Variants in KLHL11 observed in about 807,000 individuals in gnomAD.
KLHL11 encodes the protein kelch-like protein 11.
A neutral mutation model predicts 56.1 loss-of-function variants in KLHL11; 26 were observed. The ratio of observed to expected loss-of-function variants is 0.46; its 90% CI spans 0.34 to 0.64. The LOEUF (loss-of-function observed/expected upper bound fraction) is 0.64, where lower values mean the gene tolerates loss of function less well. Ranked by LOEUF, KLHL11 falls within the 30% of genes least tolerant of loss-of-function variation. The pLI is 0.01. For missense variants in KLHL11, 627 were observed against 919.4 expected (o/e 0.68, Z 4.11); for synonymous variants, 338 against 345.8 (o/e 0.98, Z 0.25).
At chr17:41,864,625 G>A (rs1446457179) in intron 1 of KLHL11, among the ~76,000 whole-genome samples, 6 of 152,250 alleles carry the variant, frequency 3.9e-5, no homozygotes, top group Admixed American at 2.0e-4. Context: ...TTGGGCGCGG[G>A]GCGCCCTCGC....
intron 1 of KLHL11, among the ~76,000 whole-genome samples, chr17:41,862,605 G>T (rs1312992974): frequency 6.6e-6 from 1 of 151,860 alleles, no homozygotes; most frequent in Non-Finnish European, 1.5e-5. Context: ...TAGTGGAGAT[G>T]GGGTTTCATC....
rs1298941036 is a variant in KLHL11, at chr17:41,853,619, T to C, written c.*121A>G. ...AGTTTTTAACTCTATTTCCTTTATA[T>C]GGGGTAATAATCAGTTCATGTAGAA... On this transcript the variant is annotated 3_prime_UTR_variant, in exon 2 of 2. Transcript: ENST00000319121. 2 of 1,146,410 alleles carry C rather than the reference T, an allele frequency of 1.7e-6. No homozygotes were observed. The highest frequency in any genetic ancestry group is 3.1e-5 in the African/African-American group (2 of 64,854). The allele number at this position is 1,146,410 out of a possible 1,614,324, so 71.0% of individuals were successfully genotyped here. A position where few individuals can be genotyped will look rare whatever the true frequency, so the allele number is the denominator to read the frequency against.
Position 41,854,819 on chromosome 17 carries a change from G to A in KLHL11, c.1048C>T (p.Leu350=). ...TCQHPTSHVS[L]LPRYGQNMDV... ...ATGTTTTGCCCATAACGAGGCAATA[G>A]TGACACATGAGAAGTGGGGTGCTGG... Residue 350 remains leucine, a synonymous_variant, in exon 2 of 2, where the codon CTA becomes TTA. Coordinates refer to ENST00000319121, the MANE Select transcript of KLHL11 (RefSeq NM_018143.3). The surrounding 1 kb of genome is among the most constrained non-coding windows in gnomAD (Gnocchi z 4.9). 1 of 1,614,194 alleles carries A rather than the reference G, an allele frequency of 6.2e-7. No homozygotes were observed. Among genetic ancestry groups the A allele is most frequent in the Non-Finnish European group, 8.5e-7 (1 of 1,180,020 alleles).
chr17:41,849,475 A>C lies in KLHL11; in HGVS notation c.*4265T>G, dbSNP rs2048320011. On this transcript the variant is annotated 3_prime_UTR_variant, in exon 2 of 2. Coordinates refer to ENST00000319121, the MANE Select transcript of KLHL11 (RefSeq NM_018143.3). ...GTAAGGAGGAAAAGTGAGCCCTAGA[A>C]ACTGCCTTACCAGCAGCCTGACGGG... 1 of 152,182 alleles carries C rather than the reference A, an allele frequency of 6.6e-6. No homozygotes were observed. The highest frequency in any genetic ancestry group is 2.4e-5 in the African/African-American group (1 of 41,440). The allele number at this position is 152,182 out of a possible 1,614,324, so 9.4% of individuals were successfully genotyped here. A position where few individuals can be genotyped will look rare whatever the true frequency, so the allele number is the denominator to read the frequency against.
At chr17:41,857,071 C>T (rs879979942) in intron 1 of KLHL11, among the ~76,000 whole-genome samples, 3 of 152,048 alleles carry the variant, frequency 2.0e-5, no homozygotes, top group Admixed American at 1.3e-4. Flanking sequence ...AGATGCATGC[C>T]TGTAGTCTCA....
At chr17:41,863,675 T>C (rs2048419083) in intron 1 of KLHL11, among the ~76,000 whole-genome samples, 7 of 152,178 alleles carry the variant, frequency 4.6e-5, no homozygotes, top group Admixed American at 4.6e-4. Context: ...CCTCTCATCC[T>C]GCATCCCTTT....
rs1274429045 is a variant in KLHL11, at chr17:41,853,447, T to A, written c.*293A>T. 1.8e-5 allele frequency: 5 copies of A among 281,408 alleles called. No homozygotes were observed. Among genetic ancestry groups the A allele is most frequent in the Non-Finnish European group, 6.6e-6 (1 of 151,476 alleles). The allele number at this position is 281,408 out of a possible 1,614,324, so 17.4% of individuals were successfully genotyped here. A position where few individuals can be genotyped will look rare whatever the true frequency, so the allele number is the denominator to read the frequency against. ...CTCAAGACAAAGGAGTCATAACTCGTTGGCAGGAAAACAGCTAAGCAACTA... is the reference window on the plus strand; with the variant it reads ...CTCAAGACAAAGGAGTCATAACTCGATGGCAGGAAAACAGCTAAGCAACTA... On this transcript the variant is annotated 3_prime_UTR_variant, in exon 2 of 2. Transcript: ENST00000319121.
rs2048438157 is a variant in KLHL11, at chr17:41,865,401, C to G, written c.-31G>C. On this transcript the variant is annotated 5_prime_UTR_variant, in exon 1 of 2. Transcript: ENST00000319121. Reference sequence around the variant, plus strand: ...CGCCGCTGCGCCCGGCCTCCACAGCCTCGGAACGATGCGGCTGTTGGTACG... The same window carrying G: ...CGCCGCTGCGCCCGGCCTCCACAGCGTCGGAACGATGCGGCTGTTGGTACG... The G allele has an allele frequency of 2.0e-5, 26 of 1,292,716 alleles. No homozygotes were observed. The highest frequency in any genetic ancestry group is 2.5e-5 in the Non-Finnish European group (25 of 986,790). 80.1% of individuals were successfully genotyped at this position (1,292,716 alleles called of 1,614,324 possible).
intron 1 of KLHL11, among the ~76,000 whole-genome samples, chr17:41,857,587 C>T (rs1185414787): frequency 6.6e-6 from 1 of 151,006 alleles, no homozygotes; most frequent in Non-Finnish European, 1.5e-5. Flanking sequence ...TATATAATTA[C>T]CTATCATATA....
In KLHL11 at chr17:41,865,379, C is replaced by T; in HGVS notation, c.-9G>A. Reference sequence around the variant, plus strand: ...ACTGCCGCAGCCGCCATCTTGACGCCGCTGCGCCCGGCCTCCACAGCCTCG... The same window carrying T: ...ACTGCCGCAGCCGCCATCTTGACGCTGCTGCGCCCGGCCTCCACAGCCTCG... On this transcript the variant is annotated 5_prime_UTR_variant, in exon 1 of 2. Transcript: ENST00000319121. The T allele has an allele frequency of 2.2e-6, 3 of 1,388,074 alleles. No individual in the cohort carries two copies. The highest frequency in any genetic ancestry group is 2.8e-6 in the Non-Finnish European group (3 of 1,068,080). The allele number at this position is 1,388,074 out of a possible 1,614,324, so 86.0% of individuals were successfully genotyped here.
intron 1 of KLHL11, among the ~76,000 whole-genome samples, chr17:41,858,436 TTG>T (rs2048381744): frequency 1.6e-5 from 1 of 61,954 alleles, no homozygotes; most frequent in African/African-American, 5.4e-5. Flanking sequence ...GTTGTTGTTG[TTG>T]TTTTTCTCCC....
At chr17:41,857,890 C>G (rs1334522835) in intron 1 of KLHL11, among the ~76,000 whole-genome samples, 1 of 152,172 alleles carries the variant, frequency 6.6e-6, no homozygotes, top group Admixed American at 6.5e-5. Flanking sequence ...GATCTCTGCT[C>G]ACTGCAACCT....
In KLHL11 at chr17:41,854,324, C is replaced by T; in HGVS notation, c.1543G>A (p.Asp515Asn). 2 of 1,614,202 alleles carry T rather than the reference C, an allele frequency of 1.2e-6. No individual in the cohort carries two copies. The highest frequency in any genetic ancestry group is 2.2e-5 in the South Asian group (2 of 91,078). ...ACAGCCTTTAATCCATCTTCAGTGTCCCGGTCTACAGGAGTGCGGGCGGCA... is the reference window on the plus strand; with the variant it reads ...ACAGCCTTTAATCCATCTTCAGTGTTCCGGTCTACAGGAGTGCGGGCGGCA... ...YIAARTPVDR[D>N]TEDGLKAVIT... The change falls in exon 2 of 2, where the codon GAC becomes AAC. Residue 515 changes from aspartate to asparagine, a missense_variant. Asp to Asn is a conservative substitution (Grantham distance 23). This residue lies in a region of KLHL11 where 250 missense variants were observed against 360.6 expected (regional missense o/e 0.69). Transcript: ENST00000319121. This position sits in a 1 kb window ranked among gnomAD's most constrained non-coding sequence, Gnocchi z 4.9.
At position 41,849,390 on chromosome 17, in the gene KLHL11, A is replaced by C. The variant is rs1343412149; in HGVS notation, c.*4350T>G. On this transcript the variant is annotated 3_prime_UTR_variant, in exon 2 of 2. Coordinates refer to ENST00000319121, the MANE Select transcript of KLHL11 (RefSeq NM_018143.3). Reference sequence around the variant, plus strand: ...CTACATACAGTATAGTGTTGACTTTAGAATTACAAAGCAGAAAATGAAATA... The same window carrying C: ...CTACATACAGTATAGTGTTGACTTTCGAATTACAAAGCAGAAAATGAAATA... 2 of 152,220 alleles carry C rather than the reference A, an allele frequency of 1.3e-5. No individual in the cohort carries two copies. Among genetic ancestry groups the C allele is most frequent in the African/African-American group, 4.8e-5 (2 of 41,454 alleles). The allele number at this position is 152,220 out of a possible 1,614,324, so 9.4% of individuals were successfully genotyped here.
chr17:41,852,778 C>CAAAA lies in KLHL11; in HGVS notation c.*958_*961dup, dbSNP rs1189323899. ...TGCACTCCAGCCTGGGCAACATGAGCAAAAAAAAAAAAAAAAAGAGAAAAG... is the reference window on the plus strand; with the variant it reads ...TGCACTCCAGCCTGGGCAACATGAGCAAAAAAAAAAAAAAAAAAAAAGAGAAAAG... On this transcript the variant is annotated 3_prime_UTR_variant, in exon 2 of 2. Transcript: ENST00000319121. Among the ~76,000 whole-genome samples, 1 of 49,688 alleles carries CAAAA rather than the reference C, an allele frequency of 2.0e-5. No homozygotes were observed. 32.6% of individuals were successfully genotyped at this position (49,688 alleles called of 152,430 possible). A position where few individuals can be genotyped will look rare whatever the true frequency, so the allele number is the denominator to read the frequency against.
In KLHL11 at chr17:41,855,297, T is replaced by C. The variant is rs2048357990; in HGVS notation, c.570A>G (p.Glu190=). 1.9e-6 allele frequency: 3 copies of C among 1,584,018 alleles called. No individual in the cohort carries two copies. The highest frequency in any genetic ancestry group is 2.7e-5 in the African/African-American group (2 of 74,228). ...TTTTCTTGAGAAATTCTCCACAAAA[T>C]TCTTTTAAACGAATGAGTAGGAACC... is the stretch of plus-strand genomic sequence containing the variant. ...ADRFLLIRLK[E]FCGEFLKKKL... The change falls in exon 2 of 2, where the codon GAA becomes GAG. Residue 190 remains glutamate (E), a synonymous_variant. Coordinates refer to ENST00000319121, the MANE Select transcript of KLHL11 (RefSeq NM_018143.3).
At chr17:41,857,284 A>C (rs1429034008) in intron 1 of KLHL11, among the ~76,000 whole-genome samples, 1 of 151,966 alleles carries the variant, frequency 6.6e-6, no homozygotes, top group Non-Finnish European at 1.5e-5. Context: ...AGGCGGGTGG[A>C]CCATGAGGTC....
chr17:41,864,532 C>G (rs1364079608), intron 1 of KLHL11, among the ~76,000 whole-genome samples: 2 of 152,248 alleles, frequency 1.3e-5, no homozygotes, highest in Non-Finnish European at 2.9e-5. Flanking sequence ...GCCTTTCATT[C>G]CTTTTGAACG....
At chr17:41,864,782 T>TCTCCGCGCCCGCCGCC (rs781916968) in intron 1 of KLHL11, 44 bp downstream of exon 1, 8 of 1,478,738 alleles carry the variant, frequency 5.4e-6, no homozygotes, top group Non-Finnish European at 7.2e-6. Context: ...CATCTCCCCC[T>TCTCCGCGCCCGCCGCC]CTCCGCGCCC....
Sources: allele counts gnomAD v4.1 joint callset (sites outside exome capture counted in the v4.1 genomes callset), GRCh38; gene constraint gnomAD v4.1.1; regional missense constraint gnomAD v4.1.1; non-coding constraint Gnocchi (gnomAD v3.1); transcripts MANE v1.5; gene names NCBI Gene and HGNC (gene_info 2026-07-23, HGNC 2026-07-21).